The following CEP85L variants were observed in gnomAD, a reference collection of about 807,000 sequenced individuals.
CEP85L encodes the protein centrosomal protein 85L.
In CEP85L, 60 loss-of-function variants were observed where a neutral mutation model predicts 100.3. The ratio of observed to expected loss-of-function variants is 0.60; its 90% CI spans 0.49 to 0.74. The LOEUF is 0.74. Among genes scored for constraint, CEP85L ranks in the 30% least tolerant of loss-of-function variants. The pLI is 0.00. For synonymous variants in CEP85L, 319 were observed against 322.7 expected (o/e 0.99, Z 0.12); for missense variants, 973 against 936.2 (o/e 1.04, Z -0.51).
intron 1 of CEP85L, among the ~76,000 whole-genome samples, chr6:118,662,324 G>T (rs1413245145): frequency 6.6e-6 from 1 of 152,080 alleles, no homozygotes; most frequent in Non-Finnish European, 1.5e-5. Context: ...GAGGTCAGGA[G>T]TTCGAGACCA....
At chr6:118,695,601 T>G in intron 1 of CEP85L, among the ~76,000 whole-genome samples, 1 of 152,214 alleles carries the variant, frequency 6.6e-6, no homozygotes, top group Non-Finnish European at 1.5e-5. Context: ...GGATCACCTT[T>G]TGAGAACTAC....
chr6:118,495,958 C>A (rs560097213), intron 5 of CEP85L, among the ~76,000 whole-genome samples: 1 of 152,186 alleles, frequency 6.6e-6, no homozygotes, highest in East Asian at 1.9e-4. Context: ...ATATGTCATA[C>A]GCACTTTTAT....
chr6:118,623,071 C>T (rs1773557665), intron 2 of CEP85L, among the ~76,000 whole-genome samples: 1 of 152,222 alleles, frequency 6.6e-6, no homozygotes, highest in African/African-American at 2.4e-5. Context: ...GTGGAAAATA[C>T]TTAAGACCCT....
intron 1 of CEP85L, among the ~76,000 whole-genome samples, chr6:118,638,817 A>T (rs1459769202): frequency 6.6e-6 from 1 of 152,152 alleles, no homozygotes; most frequent in African/African-American, 2.4e-5. Context: ...AGACAGGAAG[A>T]TTAGCATTAA....
At chr6:118,551,286 T>C (rs772705580) in intron 3 of CEP85L, among the ~76,000 whole-genome samples, 1 of 151,766 alleles carries the variant, frequency 6.6e-6, no homozygotes, top group Non-Finnish European at 1.5e-5. Context: ...TCTAGTGCCT[T>C]TGAAAAGGTA....
chr6:118,631,387 A>T (rs1165833006), intron 2 of CEP85L, among the ~76,000 whole-genome samples: 1 of 152,238 alleles, frequency 6.6e-6, no homozygotes, highest in Admixed American at 6.5e-5. Flanking sequence ...GAAATGGTAC[A>T]GTCACTCTAG....
chr6:118,530,026 C>CA (rs1000318798), intron 3 of CEP85L, among the ~76,000 whole-genome samples: 6 of 149,276 alleles, frequency 4.0e-5, no homozygotes, highest in African/African-American at 4.9e-5. Context: ...AAATCCAGGC[C>CA]AAAAAAAATC....
At chr6:118,475,273 T>A (rs189906001) in intron 10 of CEP85L, among the ~76,000 whole-genome samples, 1 of 152,190 alleles carries the variant, frequency 6.6e-6, no homozygotes, top group Non-Finnish European at 1.5e-5. Flanking sequence ...ATGGTCTTGG[T>A]TCCACTTATC....
At chr6:118,588,450 A>T (rs1224160983) in intron 2 of CEP85L, among the ~76,000 whole-genome samples, 1 of 152,194 alleles carries the variant, frequency 6.6e-6, no homozygotes, top group African/African-American at 2.4e-5. Context: ...CTTACAGCTG[A>T]AGTGGGAGGT....
At chr6:118,505,409 C>CAAAAAAAAAAAAAAAAAAAAA (rs56893664) in intron 5 of CEP85L, among the ~76,000 whole-genome samples, 1 of 71,834 alleles carries the variant, frequency 1.4e-5, no homozygotes, top group African/African-American at 5.5e-5. Flanking sequence ...TCACTGTACT[C>CAAAAAAAAAAAAAAAAAAAAA]AAAAAAAAAA....
chr6:118,519,486 T>TG (rs1776508052), intron 4 of CEP85L, among the ~76,000 whole-genome samples: 2 of 11,440 alleles, frequency 1.7e-4, no homozygotes, highest in Admixed American at 1.2e-3. Context: ...CGGGGGGGGG[T>TG]TGTGAAACTC....
chr6:118,631,362 C>A (rs1774133412), intron 2 of CEP85L, among the ~76,000 whole-genome samples: 1 of 152,192 alleles, frequency 6.6e-6, no homozygotes, highest in Non-Finnish European at 1.5e-5. Flanking sequence ...ATCACTTATA[C>A]ATACATTGCT....
intron 5 of CEP85L, among the ~76,000 whole-genome samples, chr6:118,503,896 A>G (rs191562320): frequency 3.3e-5 from 5 of 152,072 alleles, no homozygotes; most frequent in Admixed American, 2.0e-4. Context: ...TTTAGATATA[A>G]CATCAATGCT....
chr6:118,570,043 T>C (rs1355031039), intron 2 of CEP85L, among the ~76,000 whole-genome samples: 1 of 152,176 alleles, frequency 6.6e-6, no homozygotes, highest in Non-Finnish European at 1.5e-5. Flanking sequence ...TACACATATG[T>C]GAACATACAT....
At chr6:118,609,860 C>T (rs1562306540) in intron 2 of CEP85L, among the ~76,000 whole-genome samples, 1 of 152,008 alleles carries the variant, frequency 6.6e-6, no homozygotes, top group Non-Finnish European at 1.5e-5. Context: ...CAGGACATAC[C>T]AGTTCCTGTC....
intron 2 of CEP85L, among the ~76,000 whole-genome samples, chr6:118,607,952 A>G (rs1326736387): frequency 1.3e-5 from 2 of 152,046 alleles, no homozygotes; most frequent in African/African-American, 4.8e-5. Flanking sequence ...ACCCCAAGAG[A>G]GGGTTCCTGT....
chr6:118,503,064 A>C (rs954567679), intron 5 of CEP85L, among the ~76,000 whole-genome samples: 2 of 152,212 alleles, frequency 1.3e-5, no homozygotes, highest in Non-Finnish European at 2.9e-5. Context: ...AACAAACAAA[A>C]AACACCTTCC....
chr6:118,600,157 T>C (rs1781652402), intron 2 of CEP85L, among the ~76,000 whole-genome samples: 1 of 152,068 alleles, frequency 6.6e-6, no homozygotes, highest in Non-Finnish European at 1.5e-5. Flanking sequence ...TAAATTCACA[T>C]ATTCTCCCTC....
At position 118,484,871 on chromosome 6, in the gene CEP85L, A is replaced by T. The variant is rs146326815; in HGVS notation, c.1438-1013T>A. The stretch of plus-strand genomic sequence containing the variant: ...CTTAGGGGCAGATAATGGACTAGTG[A>T]AACCAATTCATACCTCAAGCAACAC... On this transcript the variant is annotated intron_variant, in intron 6 of 12. Transcript: ENST00000368491. 3.7e-3 allele frequency among the ~76,000 whole-genome samples: 566 copies of T among 152,346 alleles called. 3 individuals carry two copies. Among genetic ancestry groups the T allele is most frequent in the African/African-American group, 0.013 (540 of 41,590 alleles).
Sources: gnomAD v4.1 joint callset for allele counts (sites outside exome capture counted in the v4.1 genomes callset) on GRCh38, gnomAD v4.1.1 for gene constraint, MANE v1.5 for transcripts, NCBI Gene and HGNC (gene_info 2026-07-23, HGNC 2026-07-21) for gene names.